Variants in COA1 observed in about 807,000 individuals in gnomAD.
COA1 encodes the protein cytochrome c oxidase assembly factor 1.
In COA1, 13 loss-of-function variants were observed where a neutral mutation model predicts 16.0. That is an observed-to-expected ratio of 0.81 (90% CI 0.53 to 1.29). The LOEUF is 1.29. Ranked by LOEUF, COA1 falls within the 50% of genes most tolerant of loss-of-function variation. The pLI is 0.00. For synonymous variants in COA1, 65 were observed against 65.7 expected (o/e 0.99, Z 0.05); for missense variants, 179 against 177.0 (o/e 1.01, Z -0.06).
chr7:43,621,711 T>C (rs983480584), intron 6 of COA1, among the ~76,000 whole-genome samples: 2 of 152,150 alleles, frequency 1.3e-5, no homozygotes, highest in Non-Finnish European at 2.9e-5. Flanking sequence ...AGCTTTCTGT[T>C]CCTTAGTAAA....
intron 1 of COA1, among the ~76,000 whole-genome samples, chr7:43,691,331 GAA>G (rs1252267517): frequency 8.5e-4 from 58 of 68,422 alleles, no homozygotes; most frequent in South Asian, 2.2e-3. Context: ...GAAAGAAAGA[GAA>G]AGAGAGAGAG....
intron 6 of COA1, chr7:43,623,503 T>C (rs2084138590): frequency 2.9e-6 from 4 of 1,372,660 alleles, no homozygotes; most frequent in African/African-American, 2.9e-5. Flanking sequence ...GCTTAGTTTT[T>C]TATCTCTTAG....
At chr7:43,627,192 T>C (rs1199942780) in intron 6 of COA1, among the ~76,000 whole-genome samples, 1 of 152,250 alleles carries the variant, frequency 6.6e-6, no homozygotes, top group African/African-American at 2.4e-5. Context: ...GTATAAGTTT[T>C]AATCAACTGG....
chr7:43,658,485 A>G (rs1456307584), intron 1 of COA1, among the ~76,000 whole-genome samples: 1 of 152,244 alleles, frequency 6.6e-6, no homozygotes, highest in Non-Finnish European at 1.5e-5. Flanking sequence ...GCTAATATTC[A>G]TAATGAATTA....
rs369370775 is a variant in COA1, at chr7:43,623,847, G to A, written c.*134-14352C>T. On this transcript the variant is annotated intron_variant and NMD_transcript_variant, in intron 6 of 6. Coordinates refer to the COA1 transcript ENST00000415076. ...AAGAATTTGATGTTTTGTCTGAGTC[G>A]GCTGTTGATTTCATCAGGACACTTT... 32 of 1,592,946 alleles carry A rather than the reference G, an allele frequency of 2.0e-5. No individual in the cohort carries two copies. In the East Asian group the frequency reaches 2.5e-4, roughly 12 times the overall value.
intron 1 of COA1, among the ~76,000 whole-genome samples, chr7:43,717,205 T>A (rs916771593): frequency 6.6e-6 from 1 of 152,076 alleles, no homozygotes; most frequent in African/African-American, 2.4e-5. Flanking sequence ...GAATGGTAGA[T>A]CCACTGACAG....
At chr7:43,648,734 C>G in intron 1 of COA1, 82 bp from the exon 2 acceptor site, 1 of 955,498 alleles carries the variant, frequency 1.0e-6, no homozygotes, top group Non-Finnish European at 1.6e-6. Context: ...AGATTTATTA[C>G]CAACCCAAGC....
chr7:43,684,693 T>C (rs2093936471), intron 1 of COA1, among the ~76,000 whole-genome samples: 1 of 152,168 alleles, frequency 6.6e-6, no homozygotes, highest in Non-Finnish European at 1.5e-5. Flanking sequence ...CGCCACCATC[T>C]TATAGCAAAG....
chr7:43,637,270 C>G (rs2086050353), downstream of COA1, among the ~76,000 whole-genome samples: 1 of 152,190 alleles, frequency 6.6e-6, no homozygotes, highest in Non-Finnish European at 1.5e-5. Flanking sequence ...TGCCCATCCA[C>G]CCAGCACACT....
chr7:43,634,986 T>C (rs2085619780), downstream of COA1, among the ~76,000 whole-genome samples: 2 of 152,212 alleles, frequency 1.3e-5, no homozygotes, highest in African/African-American at 4.8e-5. Context: ...GTCTGATGTT[T>C]GTTTTATGGA....
At chr7:43,708,803 C>G (rs530747424) in intron 1 of COA1, among the ~76,000 whole-genome samples, 3 of 152,184 alleles carry the variant, frequency 2.0e-5, no homozygotes, top group African/African-American at 7.2e-5. Context: ...TAGTCCTTCC[C>G]ATATCCTATA....
chr7:43,662,306 T>C (rs2092508755), intron 1 of COA1, among the ~76,000 whole-genome samples: 2 of 152,272 alleles, frequency 1.3e-5, no homozygotes, highest in African/African-American at 2.4e-5. Flanking sequence ...CCTGGCTCAC[T>C]GCAACCTCCG....
chr7:43,640,318 A>C lies in COA1; in HGVS notation c.341+255T>G, dbSNP rs534479257. On this transcript the variant is annotated intron_variant, in intron 5 of 5. Coordinates refer to ENST00000223336, the MANE Select transcript of COA1 (RefSeq NM_018224.4). ...CATCAAATTATGATAGACCCAGATCACTATAACTGGAAAGTTTTACAAATT... is the reference window on the plus strand; with the variant it reads ...CATCAAATTATGATAGACCCAGATCCCTATAACTGGAAAGTTTTACAAATT... 2.2e-4 allele frequency among the ~76,000 whole-genome samples: 34 copies of C among 152,356 alleles called. No homozygotes were observed. In the South Asian group the frequency reaches 6.2e-3, roughly 28 times the overall value.
chr7:43,674,588 C>T (rs890742904), intron 1 of COA1, among the ~76,000 whole-genome samples: 4 of 152,204 alleles, frequency 2.6e-5, no homozygotes, highest in African/African-American at 4.8e-5. Flanking sequence ...TGATAAACCA[C>T]TCCTTGTGTT....
intron 6 of COA1, among the ~76,000 whole-genome samples, chr7:43,621,228 A>G (rs549284982): frequency 2.0e-5 from 3 of 152,356 alleles, no homozygotes; most frequent in Non-Finnish European, 2.9e-5. Flanking sequence ...AATTTTTTAT[A>G]TATTTTAATG....
chr7:43,671,409 T>A (rs1412151867), intron 1 of COA1, among the ~76,000 whole-genome samples: 1 of 150,856 alleles, frequency 6.6e-6, no homozygotes, highest in East Asian at 1.9e-4. Context: ...TATAAAGAAC[T>A]ATTGTTAACT....
chr7:43,612,088 C>T (rs1056789014), intron 6 of COA1, among the ~76,000 whole-genome samples: 1 of 152,202 alleles, frequency 6.6e-6, no homozygotes, highest in African/African-American at 2.4e-5. Flanking sequence ...ATTCCTTTCT[C>T]TCTAATACAC....
At chr7:43,627,723 C>A (rs2084717960) in intron 6 of COA1, among the ~76,000 whole-genome samples, 1 of 152,144 alleles carries the variant, frequency 6.6e-6, no homozygotes, top group African/African-American at 2.4e-5. Flanking sequence ...GCCTTAATCA[C>A]TATTGTTTTG....
At chr7:43,660,233 AT>A (rs1048410894) in intron 1 of COA1, among the ~76,000 whole-genome samples, 7 of 152,080 alleles carry the variant, frequency 4.6e-5, no homozygotes, top group African/African-American at 1.7e-4. Context: ...TACTAAAATA[AT>A]CCCCACATCT....
Sources: allele counts gnomAD v4.1 joint callset (sites outside exome capture counted in the v4.1 genomes callset), GRCh38; gene constraint gnomAD v4.1.1; transcripts MANE v1.5; gene names NCBI Gene and HGNC (gene_info 2026-07-23, HGNC 2026-07-21).